Variants in GAS7 observed in about 807,000 individuals in gnomAD.
The protein encoded by GAS7 is growth arrest-specific protein 7.
In GAS7, 28 loss-of-function variants were observed where a neutral mutation model predicts 71.1. That is an observed-to-expected ratio of 0.39 (90% CI 0.29 to 0.54). The LOEUF is 0.54. Among genes scored for constraint, GAS7 ranks in the 20% least tolerant of loss-of-function variants. The pLI is 0.62. For synonymous variants in GAS7, 258 were observed against 245.8 expected, an observed-to-expected ratio of 1.05 and a Z score of -0.46; for missense variants, 436 against 627.8, an observed-to-expected ratio of 0.69 and a Z score of 3.27.
At chr17:9,984,593 GA>G (rs2070563071) in intron 2 of GAS7, among the ~76,000 whole-genome samples, 1 of 152,178 alleles carries the variant, frequency 6.6e-6, no homozygotes, top group South Asian at 2.1e-4. Flanking sequence ...TTACTTCAAA[GA>G]CCACTGCCCT....
At chr17:10,098,123 C>A (rs1375816712) in intron 1 of GAS7, among the ~76,000 whole-genome samples, 1 of 152,132 alleles carries the variant, frequency 6.6e-6, no homozygotes, top group Non-Finnish European at 1.5e-5. Context: ...ACTTCTGTGC[C>A]ACTCCATGCC....
At chr17:10,142,132 C>T (rs969757318) in intron 1 of GAS7, among the ~76,000 whole-genome samples, 2 of 150,620 alleles carry the variant, frequency 1.3e-5, no homozygotes, top group East Asian at 2.0e-4. Flanking sequence ...AGGAGAATGG[C>T]GTGAACCCGG....
intron 11 of GAS7, among the ~76,000 whole-genome samples, chr17:9,921,183 G>A (rs981708929): frequency 1.0e-4 from 15 of 146,848 alleles, no homozygotes; most frequent in African/African-American, 3.8e-4. Flanking sequence ...TTGAGACGGA[G>A]TCTGGCTCTG....
At chr17:10,190,285 G>T (rs866560421) in intron 1 of GAS7, among the ~76,000 whole-genome samples, 1 of 152,112 alleles carries the variant, frequency 6.6e-6, no homozygotes, top group Non-Finnish European at 1.5e-5. Context: ...GAAGGAGAAG[G>T]CTTTAAGAAA....
rs2074153852 is a variant in GAS7, at chr17:10,150,230, C to T, written c.183+47978G>A. Among the ~76,000 whole-genome samples, 4 of 152,136 alleles carry T rather than the reference C, an allele frequency of 2.6e-5. No homozygotes were observed. In the South Asian group the frequency reaches 8.3e-4, roughly 31 times the overall value. ...CAGGTGATGACTCATTCACCAACTCCCAAGAGGAAGTGTGGTTGTGACATT... is the reference window on the plus strand; with the variant it reads ...CAGGTGATGACTCATTCACCAACTCTCAAGAGGAAGTGTGGTTGTGACATT... On this transcript the variant is annotated intron_variant, in intron 1 of 13. Coordinates refer to ENST00000432992, the MANE Select transcript of GAS7 (RefSeq NM_201433.2).
At chr17:9,962,059 T>C (rs1374836047) in intron 4 of GAS7, among the ~76,000 whole-genome samples, 3 of 149,196 alleles carry the variant, frequency 2.0e-5, no homozygotes, top group East Asian at 1.9e-4. Context: ...AGTAATGGCA[T>C]TGAGGTTGGG....
At chr17:10,076,187 T>G (rs1488650029) in intron 1 of GAS7, among the ~76,000 whole-genome samples, 117 of 49,338 alleles carry the variant, frequency 2.4e-3, no homozygotes, top group Non-Finnish European at 2.6e-3. Flanking sequence ...GAAAGGGAAG[T>G]GGAAAGGGAG....
intron 8 of GAS7, among the ~76,000 whole-genome samples, chr17:9,935,403 C>T (rs2068364119): frequency 6.6e-6 from 1 of 152,214 alleles, no homozygotes; most frequent in African/African-American, 2.4e-5. Flanking sequence ...GCTCTTTAAC[C>T]GCATGACCCT....
intron 1 of GAS7, among the ~76,000 whole-genome samples, chr17:10,195,677 G>A (rs529805727): frequency 6.6e-6 from 1 of 152,166 alleles, no homozygotes; most frequent in East Asian, 1.9e-4. Flanking sequence ...CAGTATCTAT[G>A]GGCCCCCTCT....
intron 11 of GAS7, among the ~76,000 whole-genome samples, chr17:9,921,681 C>A (rs1273156391): frequency 6.6e-6 from 1 of 152,100 alleles, no homozygotes; most frequent in Non-Finnish European, 1.5e-5. Flanking sequence ...CTTTGTTGGC[C>A]AGGCGCGGTG....
At chr17:10,112,436 A>T (rs2073822161) in intron 1 of GAS7, among the ~76,000 whole-genome samples, 1 of 152,152 alleles carries the variant, frequency 6.6e-6, no homozygotes, top group Non-Finnish European at 1.5e-5. Context: ...TAGGAGTAGC[A>T]TGTAGAAAAT....
chr17:10,138,808 A>G (rs2074060138), intron 1 of GAS7, among the ~76,000 whole-genome samples: 1 of 152,142 alleles, frequency 6.6e-6, no homozygotes, highest in African/African-American at 2.4e-5. Flanking sequence ...AAACAAACCT[A>G]GAACTAGAAT....
rs772771997 is a variant in GAS7 at position 9,946,881 on chromosome 17, AG to A, written c.615+12del. 7 of 1,580,992 alleles carry A rather than the reference AG, an allele frequency of 4.4e-6. No individual in the cohort carries two copies. The African/African-American group carries it at 5.4e-5, about 12-fold the overall frequency. ...CGGGGTCACGCTGTGGGGGAAACTGAGGCGCTGCTTACCCAGAAGTAGTCGC... is the reference window on the plus strand; with the variant it reads ...CGGGGTCACGCTGTGGGGGAAACTGAGCGCTGCTTACCCAGAAGTAGTCGC... On this transcript the variant is annotated intron_variant, in intron 6 of 13. Transcript: ENST00000432992.
intron 1 of GAS7, among the ~76,000 whole-genome samples, chr17:10,106,790 C>T (rs200441814): frequency 7.3e-5 from 10 of 136,860 alleles, no homozygotes; most frequent in Admixed American, 3.0e-4. Flanking sequence ...GCCCCCCCCC[C>T]CAAATATATT....
chr17:10,160,552 C>T (rs530581129), intron 1 of GAS7, among the ~76,000 whole-genome samples: 27 of 152,290 alleles, frequency 1.8e-4, no homozygotes, highest in Admixed American at 1.8e-3. Flanking sequence ...AATCCCAGCT[C>T]CCTGTCTAGT....
At chr17:10,170,715 G>C (rs1397094170) in intron 1 of GAS7, among the ~76,000 whole-genome samples, 1 of 152,160 alleles carries the variant, frequency 6.6e-6, no homozygotes, top group Non-Finnish European at 1.5e-5. Context: ...TACTTTCCAG[G>C]TTGTGCCCTG....
intron 1 of GAS7, among the ~76,000 whole-genome samples, chr17:10,076,800 G>A (rs1038693539): frequency 2.0e-5 from 3 of 151,656 alleles, no homozygotes; most frequent in Non-Finnish European, 4.4e-5. Flanking sequence ...AATCCTGTAC[G>A]AGGGCTGCCC....
intron 1 of GAS7, among the ~76,000 whole-genome samples, chr17:10,033,339 G>GAGAGAC (rs2072668784): frequency 6.6e-6 from 1 of 152,140 alleles, no homozygotes. Flanking sequence ...CAGAGAGAGA[G>GAGAGAC]AGAGACAGAG....
chr17:9,967,515 C>T (rs1479689692), intron 4 of GAS7, among the ~76,000 whole-genome samples: 2 of 152,098 alleles, frequency 1.3e-5, no homozygotes, highest in Non-Finnish European at 2.9e-5. Flanking sequence ...AGCCACCGTA[C>T]GTTTTCCAGT....
Sources: gnomAD v4.1 joint callset for allele counts (sites outside exome capture counted in the v4.1 genomes callset) on GRCh38, gnomAD v4.1.1 for gene constraint, MANE v1.5 for transcripts, NCBI Gene and HGNC (gene_info 2026-07-23, HGNC 2026-07-21) for gene names.